Variants in STAG2 observed in about 807,000 individuals in gnomAD.
STAG2 encodes cohesin subunit SA-2.
In STAG2, 14 loss-of-function variants were observed where a neutral mutation model predicts 108.1. The observed-to-expected ratio is 0.13, with a 90% CI of 0.09 to 0.20. STAG2 has a LOEUF of 0.20. STAG2 is among the 10% of genes least tolerant of loss of function. The pLI is 1.00. For missense variants in STAG2, 440 were observed against 940.9 expected (o/e 0.47, Z 6.96); for synonymous variants, 307 against 302.7 (o/e 1.01, Z -0.15).
chrX:124,001,421 C>CT (rs768731340), intron 1 of STAG2, among the ~76,000 whole-genome samples: 3 of 111,438 alleles, frequency 2.7e-5, no homozygotes, highest in African/African-American at 9.8e-5. Context: ...TCAGTGTCTC[C>CT]TAAATGTACA....
chrX:124,053,300 C>T (rs1252472392), intron 13 of STAG2, among the ~76,000 whole-genome samples: 1 of 111,712 alleles, frequency 9.0e-6, no homozygotes, highest in Non-Finnish European at 1.9e-5. Flanking sequence ...AGAAATCCAC[C>T]AGATATATGC....
At chrX:124,055,028 A>G (rs1003449568) in intron 13 of STAG2, among the ~76,000 whole-genome samples, 2 of 111,493 alleles carry the variant, frequency 1.8e-5, no homozygotes, top group Non-Finnish European at 3.8e-5. Flanking sequence ...CAGCCTCCCA[A>G]AGTGCTGGGA....
At chrX:124,074,158 CT>C (rs1025127340) in intron 25 of STAG2, among the ~76,000 whole-genome samples, 5 of 112,523 alleles carry the variant, frequency 4.4e-5, no homozygotes, top group Non-Finnish European at 9.4e-5. Flanking sequence ...AAACAGTACT[CT>C]TGCCTCAGCC....
intron 1 of STAG2, among the ~76,000 whole-genome samples, chrX:123,966,171 A>T (rs920723126): frequency 1.8e-5 from 2 of 110,981 alleles, no homozygotes; most frequent in Admixed American, 9.6e-5. Context: ...AGGCTATTTT[A>T]AAAGTTTTTG....
chrX:124,051,682 C>T (rs1388912430), intron 13 of STAG2, among the ~76,000 whole-genome samples: 4 of 110,336 alleles, frequency 3.6e-5, no homozygotes, highest in East Asian at 2.8e-4. Context: ...GCTCCACCTC[C>T]CAGGTTCACG....
chrX:124,073,008 G>A (rs1483120326), intron 25 of STAG2, among the ~76,000 whole-genome samples: 3 of 100,586 alleles, frequency 3.0e-5, no homozygotes, highest in Non-Finnish European at 5.9e-5. Context: ...GCCTCCCAAA[G>A]TACTGGGATT....
In STAG2 at chrX:124,071,135, T is replaced by G. The variant is rs1477171205; in HGVS notation, c.2359-14T>G. On this transcript the variant is annotated splice_polypyrimidine_tract_variant and intron_variant, in intron 24 of 34. Coordinates refer to ENST00000371145, the MANE Select transcript of STAG2 (RefSeq NM_001042750.2). ...ATTATAGCATGCTTTCCTCTTTTTT[T>G]TTTTTTTAAATAGGCCTTCACTATT... is the stretch of plus-strand genomic sequence containing the variant. The G allele has an allele frequency of 9.2e-7, 1 of 1,090,051 alleles. No individual in the cohort carries two copies. Among genetic ancestry groups the G allele is most frequent in the Admixed American group, 3.4e-5 (1 of 29,292 alleles). 89.8% of individuals were successfully genotyped at this position (1,090,051 alleles called of 1,213,427 possible).
At chrX:124,081,246 G>A in intron 27 of STAG2, 134 bp from the exon 28 acceptor site, 2 of 409,786 alleles carry the variant, frequency 4.9e-6, no homozygotes, top group Non-Finnish European at 8.1e-6. Flanking sequence ...TTTGCATCAT[G>A]TTTTAGTGTT....
At chrX:123,962,697 C>T (rs190767581) in intron 1 of STAG2, among the ~76,000 whole-genome samples, 236 of 111,433 alleles carry the variant, frequency 2.1e-3, no homozygotes, top group Non-Finnish European at 3.8e-3. Flanking sequence ...CATGATATAT[C>T]TATTGGAAAC....
At chrX:123,971,609 A>AT (rs1285180218) in intron 1 of STAG2, among the ~76,000 whole-genome samples, 1 of 111,428 alleles carries the variant, frequency 9.0e-6, no homozygotes, top group African/African-American at 3.3e-5. Context: ...TTCCACTTGG[A>AT]TTTTTTTCAA....
chrX:123,993,148 T>G, intron 1 of STAG2, among the ~76,000 whole-genome samples: 1 of 111,229 alleles, frequency 9.0e-6, no homozygotes, highest in East Asian at 2.8e-4. Flanking sequence ...ACTGGGTGGC[T>G]TAGTGTTTCT....
chrX:123,996,372 G>A (rs985596504), intron 1 of STAG2, among the ~76,000 whole-genome samples: 10 of 111,879 alleles, frequency 8.9e-5, no homozygotes, highest in Non-Finnish European at 1.7e-4. Context: ...GAACACTGAT[G>A]GACATAAATT....
chrX:124,062,710 G>A lies in STAG2; in HGVS notation c.1639-192G>A, dbSNP rs1039918730. Among the ~76,000 whole-genome samples the A allele has an allele frequency of 3.6e-5, 4 of 111,230 alleles. No homozygotes were observed. In the East Asian group the frequency reaches 1.1e-3, roughly 31 times the overall value. On this transcript the variant is annotated intron_variant, in intron 17 of 34. Transcript: ENST00000371145. Reference sequence around the variant, plus strand: ...TCCAAATTTTTTTTTGTTATTTCAGGTGGCTTTTTGTTTTTATAATGTGTA... The same window carrying A: ...TCCAAATTTTTTTTTGTTATTTCAGATGGCTTTTTGTTTTTATAATGTGTA...
Position 123,971,403 on chromosome X carries a change from G to A in STAG2, c.-163+9547G>A, listed in dbSNP as rs144132374. ...AGATTGCGTCACTGCACTCCAGCCT[G>A]GGCAACAGAGCAAGACTCTTGTCTC... On this transcript the variant is annotated intron_variant, in intron 1 of 34. Coordinates refer to ENST00000371145, the MANE Select transcript of STAG2 (RefSeq NM_001042750.2). Among the ~76,000 whole-genome samples the A allele has an allele frequency of 9.4e-3, 1,056 of 112,086 alleles. 14 individuals carry two copies. The highest frequency in any genetic ancestry group is 0.032 in the African/African-American group (992 of 30,882).
At chrX:124,080,735 A>G (rs944683834) in intron 27 of STAG2, among the ~76,000 whole-genome samples, 7 of 111,363 alleles carry the variant, frequency 6.3e-5, no homozygotes, top group Admixed American at 9.6e-5. Flanking sequence ...TGGGGTGTAC[A>G]TAGTGATGTT....
At position 124,022,581 on chromosome X, in the gene STAG2, T is replaced by C. The variant is rs1939105705; in HGVS notation, c.-47T>C. ...AGCCACCATTTTACCCACGTAAATA[T>C]ATGAATATATTTCTGACATTGAGGT... On this transcript the variant is annotated 5_prime_UTR_variant, in exon 3 of 35. Coordinates refer to ENST00000371145, the MANE Select transcript of STAG2 (RefSeq NM_001042750.2). The C allele has an allele frequency of 9.4e-7, 1 of 1,065,437 alleles. No individual in the cohort carries two copies. Among genetic ancestry groups the C allele is most frequent in the African/African-American group, 1.9e-5 (1 of 52,897 alleles). The allele number at this position is 1,065,437 out of a possible 1,213,427, so 87.8% of individuals were successfully genotyped here.
chrX:123,981,375 T>C (rs1164636875), intron 1 of STAG2, among the ~76,000 whole-genome samples: 1 of 110,283 alleles, frequency 9.1e-6, no homozygotes, highest in Non-Finnish European at 1.9e-5. Context: ...TATATTTGAC[T>C]ATTCTAAGTA....
chrX:124,076,283 T>G (rs2058801716), intron 25 of STAG2, 49 bp from the exon 26 acceptor site: 5 of 1,149,144 alleles, frequency 4.4e-6, no homozygotes, highest in Non-Finnish European at 5.9e-6. Flanking sequence ...AAAAAATACA[T>G]GGTTGAAATA....
intron 27 of STAG2, among the ~76,000 whole-genome samples, chrX:124,079,108 T>C (rs2058879618): frequency 9.0e-6 from 1 of 110,584 alleles, no homozygotes; most frequent in South Asian, 3.9e-4. Flanking sequence ...CATTCCAACT[T>C]AATGAACTTT....
Sources: allele counts gnomAD v4.1 joint callset (sites outside exome capture counted in the v4.1 genomes callset), GRCh38; gene constraint gnomAD v4.1.1; transcripts MANE v1.5; gene names NCBI Gene and HGNC (gene_info 2026-07-23, HGNC 2026-07-21).